Variants in UBE3C observed in about 807,000 individuals in gnomAD.
UBE3C encodes the protein ubiquitin protein ligase E3C.
UBE3C carries 42 observed loss-of-function variants against 129.4 expected under a neutral mutation model. That is an observed-to-expected ratio of 0.32 (90% CI 0.25 to 0.42). The LOEUF (loss-of-function observed/expected upper bound fraction) is 0.42, where lower values mean the gene tolerates loss of function less well. Among genes scored for constraint, UBE3C ranks in the 10% least tolerant of loss-of-function variants. The pLI is 1.00. For synonymous variants in UBE3C, 510 were observed against 492.4 expected (o/e 1.04, Z -0.47); for missense variants, 1,049 against 1,319.1 (o/e 0.80, Z 3.17).
chr7:157,253,998 C>T lies in UBE3C; in HGVS notation c.2739C>T (p.Ser913=), dbSNP rs141088292. 6.3e-4 allele frequency: 1,012 copies of T among 1,609,812 alleles called. 5 individuals carry two copies. The African/African-American group carries it at 0.012, about 19-fold the overall frequency. ...KFGGKDIPVT[S]ANRIAYIHLV... is the part of the protein sequence containing the mutation. ...GTGGGAAAGACATCCCTGTCACCAG[C>T]GCCAACCGGATTGCGTACATCCACT... The change falls in exon 20 of 23, where the codon AGC becomes AGT. Residue 913 remains serine (S), a synonymous_variant. Transcript: ENST00000348165.
rs150407974 is a variant in UBE3C, at chr7:157,233,167, C to T, written c.2481+1840C>T. On this transcript the variant is annotated intron_variant, in intron 18 of 22. Coordinates refer to ENST00000348165, the MANE Select transcript of UBE3C (RefSeq NM_014671.3). ...TGTTATATCAACTATAAATTTGTGACCTTTTGTGATTGGCTTCTTTGATTT... is the reference window on the plus strand; with the variant it reads ...TGTTATATCAACTATAAATTTGTGATCTTTTGTGATTGGCTTCTTTGATTT... Among the ~76,000 whole-genome samples, 32 of 152,056 alleles carry T rather than the reference C, an allele frequency of 2.1e-4. No homozygotes were observed. The East Asian group carries it at 5.6e-3, about 27-fold the overall frequency.
intron 10 of UBE3C, among the ~76,000 whole-genome samples, chr7:157,191,078 C>T (rs1482326328): frequency 2.6e-5 from 4 of 152,168 alleles, no homozygotes; most frequent in Non-Finnish European, 2.9e-5. Flanking sequence ...CCCGTAGTTT[C>T]ATTTAAATAC....
intron 18 of UBE3C, among the ~76,000 whole-genome samples, chr7:157,243,610 A>G (rs530079241): frequency 6.6e-6 from 1 of 152,140 alleles, no homozygotes; most frequent in Non-Finnish European, 1.5e-5. Flanking sequence ...CTGTTCCTGC[A>G]TGTGAGGCGC....
intron 21 of UBE3C, among the ~76,000 whole-genome samples, chr7:157,254,744 G>A (rs982745063): frequency 5.3e-5 from 8 of 151,798 alleles, no homozygotes; most frequent in African/African-American, 1.9e-4. Context: ...AATGTACATG[G>A]TTCAAAAACC....
At position 157,234,986 on chromosome 7, in the gene UBE3C, G is replaced by A. The variant is rs542022085; in HGVS notation, c.2481+3659G>A. On this transcript the variant is annotated intron_variant, in intron 18 of 22. Coordinates refer to ENST00000348165, the MANE Select transcript of UBE3C (RefSeq NM_014671.3). The stretch of plus-strand genomic sequence containing the variant: ...GCAGGCGGATCACCTGAGGTCGGGA[G>A]CTCGAGACCAGCCTGACCAACATGG... 7.2e-5 allele frequency among the ~76,000 whole-genome samples: 11 copies of A among 152,288 alleles called. No homozygotes were observed. In the South Asian group the frequency reaches 2.1e-3, roughly 29 times the overall value.
At chr7:157,232,767 G>A (rs927831041) in intron 18 of UBE3C, among the ~76,000 whole-genome samples, 1 of 152,106 alleles carries the variant, frequency 6.6e-6, no homozygotes, top group Non-Finnish European at 1.5e-5. Context: ...TGTCTCATTG[G>A]TGGTTCTGTT....
intron 10 of UBE3C, among the ~76,000 whole-genome samples, chr7:157,196,225 C>A (rs765866564): frequency 3.3e-5 from 5 of 152,228 alleles, no homozygotes; most frequent in Non-Finnish European, 7.3e-5. Flanking sequence ...CTATGCAACG[C>A]TGCCGACAAA....
At chr7:157,267,421 C>T (rs960648502) in intron 22 of UBE3C, among the ~76,000 whole-genome samples, 164 bp from the exon 23 acceptor site, 2 of 152,170 alleles carry the variant, frequency 1.3e-5, no homozygotes, top group Non-Finnish European at 2.9e-5. Flanking sequence ...GACTCCATCT[C>T]AAAGAAAACA....
At chr7:157,207,224 C>T (rs781409275) in intron 11 of UBE3C, among the ~76,000 whole-genome samples, 174 bp from the exon 12 acceptor site, 11 of 152,150 alleles carry the variant, frequency 7.2e-5, no homozygotes, top group Non-Finnish European at 1.5e-4. Flanking sequence ...TTAATCTATG[C>T]TGTTTATTAA....
At chr7:157,174,407 G>A (rs965323907) in intron 4 of UBE3C, among the ~76,000 whole-genome samples, 1 of 152,074 alleles carries the variant, frequency 6.6e-6, no homozygotes, top group Non-Finnish European at 1.5e-5. Flanking sequence ...TACTAATTTA[G>A]TAATTTAATA....
chr7:157,239,375 G>A (rs553205759), intron 18 of UBE3C, among the ~76,000 whole-genome samples: 3 of 152,320 alleles, frequency 2.0e-5, no homozygotes, highest in African/African-American at 7.2e-5. Flanking sequence ...ATTTATGGAA[G>A]TTCAGAAACA....
rs201913806 is a variant in UBE3C, at chr7:157,183,423, ACT to A, written c.992-451_992-450del. ...TCCATGCCTTCTCCAGGCACTCCAC[ACT>A]CTCGGCACCTCCCTGTGTTGAGCTC... On this transcript the variant is annotated intron_variant, in intron 8 of 22. Transcript: ENST00000348165. Among the ~76,000 whole-genome samples, 525 of 151,734 alleles carry A rather than the reference ACT, an allele frequency of 3.5e-3. 16 individuals carry two copies. The South Asian group carries it at 0.047, about 14-fold the overall frequency.
Position 157,247,520 on chromosome 7 carries a change from C to T in UBE3C, c.2482-848C>T, listed in dbSNP as rs187000333. 9.1e-3 allele frequency among the ~76,000 whole-genome samples: 1,392 copies of T among 152,250 alleles called. 12 individuals carry two copies. The highest frequency in any genetic ancestry group is 0.015 in the Non-Finnish European group (996 of 68,020). Reference sequence around the variant, plus strand: ...AAGCCTGGCCAATATGGCAAAACCCCGTCTCTACTAAATATACAAAAATTA... The same window carrying T: ...AAGCCTGGCCAATATGGCAAAACCCTGTCTCTACTAAATATACAAAAATTA... On this transcript the variant is annotated intron_variant, in intron 18 of 22. Transcript: ENST00000348165.
chr7:157,265,328 A>G (rs1365385452), intron 22 of UBE3C, among the ~76,000 whole-genome samples: 1 of 152,248 alleles, frequency 6.6e-6, no homozygotes, highest in Non-Finnish European at 1.5e-5. Flanking sequence ...CTGTTGGAAG[A>G]GAACACATAA....
At chr7:157,201,404 GA>G (rs1256693406) in intron 10 of UBE3C, among the ~76,000 whole-genome samples, 1 of 152,054 alleles carries the variant, frequency 6.6e-6, no homozygotes, top group African/African-American at 2.4e-5. Context: ...ATATGTAGCA[GA>G]GGGGGAGCAG....
At chr7:157,221,079 G>A (rs569291480) in intron 15 of UBE3C, 3 of 266,404 alleles carry the variant, frequency 1.1e-5, no homozygotes, top group African/African-American at 6.4e-5. Flanking sequence ...GCATTTGAGG[G>A]TGCTGTGTGG....
At chr7:157,187,917 C>T (rs1808856640) in intron 10 of UBE3C, among the ~76,000 whole-genome samples, 1 of 152,102 alleles carries the variant, frequency 6.6e-6, no homozygotes, top group African/African-American at 2.4e-5. Flanking sequence ...GACAATTTAT[C>T]CCTAAAAGTA....
chr7:157,199,068 C>T (rs898479441), intron 10 of UBE3C, among the ~76,000 whole-genome samples: 1 of 152,290 alleles, frequency 6.6e-6, no homozygotes, highest in Admixed American at 6.5e-5. Flanking sequence ...TATGTCTACA[C>T]ACAAGGGTCT....
chr7:157,213,060 G>A (rs778759655), intron 13 of UBE3C, among the ~76,000 whole-genome samples: 1 of 152,186 alleles, frequency 6.6e-6, no homozygotes, highest in East Asian at 1.9e-4. Flanking sequence ...GCCCGGCAGT[G>A]TGTGCATTTC....
Sources: gnomAD v4.1 joint callset for allele counts (sites outside exome capture counted in the v4.1 genomes callset) on GRCh38, gnomAD v4.1.1 for gene constraint, MANE v1.5 for transcripts, NCBI Gene and HGNC (gene_info 2026-07-23, HGNC 2026-07-21) for gene names.